The following PYY variants were observed in gnomAD, a reference collection of about 807,000 sequenced individuals.
PYY encodes peptide tyrosine tyrosine.
Under a neutral mutation model 10.3 loss-of-function variants are expected in PYY, and 12 were observed. That is an observed-to-expected ratio of 1.17 (90% CI 0.75 to 1.89). PYY has a LOEUF of 1.89. Ranked by LOEUF, PYY falls within the 40% of genes most tolerant of loss-of-function variation. PYY has a pLI of 0.00. For synonymous variants in PYY, 66 were observed against 62.0 expected, an observed-to-expected ratio of 1.06 and a Z score of -0.30; for missense variants, 141 against 134.0, an observed-to-expected ratio of 1.05 and a Z score of -0.26.
At chr17:43,953,268 AG>A in intron 2 of PYY, 27 bp downstream of exon 2, 1 of 1,595,748 alleles carries the variant, frequency 6.3e-7, no homozygotes, top group Non-Finnish European at 8.5e-7. Flanking sequence ...TGAGAGCCCC[AG>A]GGGTCCCGCT....
chr17:43,994,680 C>T (rs1311193257), intron 1 of PYY, among the ~76,000 whole-genome samples: 2 of 152,152 alleles, frequency 1.3e-5, no homozygotes, highest in Non-Finnish European at 2.9e-5. Context: ...GGGGAGAACT[C>T]CCCACCTTCG....
chr17:43,986,066 C>A (rs2048913995), intron 1 of PYY, among the ~76,000 whole-genome samples: 1 of 152,118 alleles, frequency 6.6e-6, no homozygotes, highest in Non-Finnish European at 1.5e-5. Flanking sequence ...AGACTACTAG[C>A]CTGACCAACA....
exon 2 of PYY, chr17:43,966,351 T>C (rs746610422): frequency 5.2e-5 from 8 of 153,120 alleles, no homozygotes; most frequent in Non-Finnish European, 1.0e-4. Flanking sequence ...ATGAATGGTA[T>C]CTCCATCTCT....
chr17:43,989,380 A>T (rs1216573500), intron 1 of PYY, among the ~76,000 whole-genome samples: 1 of 151,604 alleles, frequency 6.6e-6, no homozygotes, highest in African/African-American at 2.4e-5. Context: ...TCTCAAAAAC[A>T]AACAAACAAA....
intron 1 of PYY, among the ~76,000 whole-genome samples, chr17:43,978,716 C>G (rs947768555): frequency 8.5e-5 from 13 of 152,198 alleles, no homozygotes; most frequent in African/African-American, 2.9e-4. Flanking sequence ...TTGTAAATCA[C>G]AGTCACATCC....
At chr17:43,981,543 G>A (rs1350018311) in intron 1 of PYY, among the ~76,000 whole-genome samples, 3 of 152,064 alleles carry the variant, frequency 2.0e-5, no homozygotes, top group East Asian at 3.8e-4. Context: ...AGGCTGGAGT[G>A]TAATGGCGTG....
exon 2 of PYY, chr17:43,966,505 G>C (rs1219841176): frequency 6.6e-6 from 1 of 152,266 alleles, no homozygotes; most frequent in Non-Finnish European, 1.5e-5. Flanking sequence ...TCCTCATAAA[G>C]GGCTGAACTT....
intron 1 of PYY, among the ~76,000 whole-genome samples, chr17:43,992,252 C>A (rs1319192820): frequency 6.6e-6 from 1 of 151,782 alleles, no homozygotes; most frequent in Non-Finnish European, 1.5e-5. Flanking sequence ...CATTTATAAC[C>A]ATATATAAAT....
At chr17:44,001,950 A>G (rs908559644) in intron 1 of PYY, among the ~76,000 whole-genome samples, 2 of 152,152 alleles carry the variant, frequency 1.3e-5, no homozygotes, top group African/African-American at 4.8e-5. Context: ...GAGGAAAACT[A>G]TTATGCCCCT....
At chr17:43,965,915 A>G (rs1405466419) in intron 2 of PYY, among the ~76,000 whole-genome samples, 1 of 150,934 alleles carries the variant, frequency 6.6e-6, no homozygotes, top group Non-Finnish European at 1.5e-5. Context: ...GCCTATTTAC[A>G]TTGGTGCTCC....
At chr17:43,960,409 G>A (rs1284190232) in intron 2 of PYY, among the ~76,000 whole-genome samples, 1 of 151,022 alleles carries the variant, frequency 6.6e-6, no homozygotes, top group Non-Finnish European at 1.5e-5. Context: ...CAGGCATGGT[G>A]GCAGGTGCCT....
At chr17:43,994,844 A>G (rs1288919860) in intron 1 of PYY, among the ~76,000 whole-genome samples, 5 of 152,092 alleles carry the variant, frequency 3.3e-5, no homozygotes, top group African/African-American at 7.2e-5. Context: ...AACGAACGGG[A>G]GGGCGCTGGC....
intron 1 of PYY, among the ~76,000 whole-genome samples, chr17:43,970,092 T>C (rs955966036): frequency 1.3e-5 from 2 of 150,280 alleles, no homozygotes; most frequent in African/African-American, 2.5e-5. Flanking sequence ...TCTCAGCTAC[T>C]GGGGAGGCTG....
chr17:43,980,526 G>A (rs939302429), intron 1 of PYY, among the ~76,000 whole-genome samples: 3 of 151,814 alleles, frequency 2.0e-5, no homozygotes, highest in African/African-American at 7.3e-5. Flanking sequence ...CCAGGCTGGA[G>A]CGTAGTAGCG....
At chr17:43,970,641 T>C (rs2048786221) in intron 1 of PYY, among the ~76,000 whole-genome samples, 1 of 152,012 alleles carries the variant, frequency 6.6e-6, no homozygotes, top group Non-Finnish European at 1.5e-5. Flanking sequence ...CAAAGACAAC[T>C]GAATGGAGAA....
rs374393833 is a variant in PYY, at chr17:43,982,268, C to T, written c.-462-15736G>A. Among the ~76,000 whole-genome samples, 223 of 152,314 alleles carry T rather than the reference C, an allele frequency of 1.5e-3. 2 individuals carry two copies. The highest frequency in any genetic ancestry group is 6.7e-3 in the East Asian group (35 of 5,192). ...AATCCCATCTCTGAGAGTGTCAGGC[C>T]GGCAGGAGAAGCCACCTCAGAAGTC... is the stretch of plus-strand genomic sequence containing the variant. On this transcript the variant is annotated intron_variant, in intron 1 of 6. Coordinates refer to the PYY transcript ENST00000360085.
rs1357259514 is a variant in PYY, at chr17:43,965,715, G to A, written c.-218+573C>T. Among the ~76,000 whole-genome samples, 31 of 145,248 alleles carry A rather than the reference G, an allele frequency of 2.1e-4. 1 individual carries two copies. The highest frequency in any genetic ancestry group is 1.5e-5 in the Non-Finnish European group (1 of 66,952). ...AGACAGGAAAATTCCTTGAACCCGG[G>A]AGGCGGAGGTTTCAGTGAGCCGAGA... On this transcript the variant is annotated intron_variant, in intron 2 of 6. Coordinates refer to the PYY transcript ENST00000360085.
At chr17:43,975,704 A>T (rs2143926504) in intron 1 of PYY, among the ~76,000 whole-genome samples, 1 of 145,194 alleles carries the variant, frequency 6.9e-6, no homozygotes, top group East Asian at 2.0e-4. Flanking sequence ...GGGTGACAGG[A>T]GTAAGACCCT....
At chr17:43,995,523 C>G (rs2048985426) in intron 1 of PYY, among the ~76,000 whole-genome samples, 1 of 152,062 alleles carries the variant, frequency 6.6e-6, no homozygotes, top group Non-Finnish European at 1.5e-5. Context: ...CAAGGAGGCC[C>G]TGACATCTCC....
Sources: gnomAD v4.1 joint callset for allele counts (sites outside exome capture counted in the v4.1 genomes callset) on GRCh38, gnomAD v4.1.1 for gene constraint, MANE v1.5 for transcripts, NCBI Gene and HGNC (gene_info 2026-07-23, HGNC 2026-07-21) for gene names.